ASXL3: variants seen among roughly 807,000 people sequenced by gnomAD.
ASXL3 encodes the protein putative Polycomb group protein ASXL3.
A neutral mutation model predicts 170.6 loss-of-function variants in ASXL3; 34 were observed. The ratio of observed to expected loss-of-function variants is 0.20; its 90% CI spans 0.15 to 0.27. The LOEUF (loss-of-function observed/expected upper bound fraction) is 0.27, where lower values mean the gene tolerates loss of function less well. Ranked by LOEUF, ASXL3 falls within the 10% of genes least tolerant of loss-of-function variation. ASXL3 has a pLI of 1.00. For synonymous variants in ASXL3, 1,002 were observed against 989.1 expected, an observed-to-expected ratio of 1.01 and a Z score of -0.24; for missense variants, 2,592 against 2,695.3, an observed-to-expected ratio of 0.96 and a Z score of 0.85.
intron 4 of ASXL3, among the ~76,000 whole-genome samples, chr18:33,647,906 A>G (rs2065938847): frequency 6.6e-6 from 1 of 152,034 alleles, no homozygotes; most frequent in Non-Finnish European, 1.5e-5. Flanking sequence ...AGACCTGAGG[A>G]GCATGAGAGA....
intron 5 of ASXL3, among the ~76,000 whole-genome samples, chr18:33,666,686 A>G (rs994239615): frequency 6.6e-6 from 1 of 152,194 alleles, no homozygotes; most frequent in Non-Finnish European, 1.5e-5. Flanking sequence ...TGCAGACAGT[A>G]TGATACCAGT....
intron 2 of ASXL3, among the ~76,000 whole-genome samples, chr18:33,617,526 A>G (rs2065445398): frequency 6.6e-6 from 1 of 152,160 alleles, no homozygotes. Context: ...GTATGTTCAC[A>G]TAACATAAAC....
intron 2 of ASXL3, among the ~76,000 whole-genome samples, chr18:33,635,177 A>G (rs962141704): frequency 9.2e-5 from 14 of 152,202 alleles, no homozygotes; most frequent in Admixed American, 9.2e-4. Flanking sequence ...CCAGAAATGG[A>G]TTAATAGAGC....
Position 33,739,753 on chromosome 18 carries a change from A to T in ASXL3, c.2349A>T (p.Lys783Asn), listed in dbSNP as rs371155056. 3.0e-5 allele frequency: 48 copies of T among 1,613,760 alleles called. No individual in the cohort carries two copies. The African/African-American group carries it at 5.6e-4, about 19-fold the overall frequency. Residue 783 changes from lysine to asparagine, a missense_variant, in exon 11 of 12, where the codon AAA (lysine) becomes AAT (asparagine). This residue lies in a region of ASXL3 where 2,246 missense variants were observed against 2,219.6 expected (regional missense o/e 1.01). Transcript: ENST00000269197. ...CTGAAGAGCCACTCTCCCCGCAGAA[A>T]GATGAGTCTTCCGCCACTGCCAAAC... ...SVSEEPLSPQKDESSATAKPL... is the reference protein window; with the variant it reads ...SVSEEPLSPQNDESSATAKPL...
intron 7 of ASXL3, among the ~76,000 whole-genome samples, chr18:33,680,895 T>C (rs570300234): frequency 5.9e-4 from 90 of 152,138 alleles, no homozygotes; most frequent in Middle Eastern, 6.8e-3. Flanking sequence ...TAAATGGATG[T>C]TGTTACTTTT....
intron 5 of ASXL3, among the ~76,000 whole-genome samples, chr18:33,663,358 C>G (rs1486866345): frequency 6.6e-6 from 1 of 152,092 alleles, no homozygotes; most frequent in African/African-American, 2.4e-5. Flanking sequence ...TGAAATCTTC[C>G]TGTATATGAA....
At chr18:33,663,609 A>C (rs750756926) in intron 5 of ASXL3, among the ~76,000 whole-genome samples, 1 of 152,140 alleles carries the variant, frequency 6.6e-6, no homozygotes, top group Non-Finnish European at 1.5e-5. Context: ...GTCCTGAAAG[A>C]GTTATTAATT....
intron 4 of ASXL3, 110 bp from the exon 5 acceptor site, chr18:33,661,506 T>C (rs2066172935): frequency 9.2e-7 from 1 of 1,081,894 alleles, no homozygotes; most frequent in Non-Finnish European, 1.3e-6. Context: ...GCTATTTTGC[T>C]TTATTTTAGG....
In ASXL3 at chr18:33,661,406, G is replaced by A. The variant is rs767003659; in HGVS notation, c.356-210G>A. Reference sequence around the variant, plus strand: ...TATCATCAATTTGCGGGTTAGGACAGGAAAGCTTAAAAAGGTTAAATGGAA... The same window carrying A: ...TATCATCAATTTGCGGGTTAGGACAAGAAAGCTTAAAAAGGTTAAATGGAA... On this transcript the variant is annotated intron_variant, in intron 4 of 11. Coordinates refer to ENST00000269197, the MANE Select transcript of ASXL3 (RefSeq NM_030632.3). Among the ~76,000 whole-genome samples, 6 of 152,142 alleles carry A rather than the reference G, an allele frequency of 3.9e-5. No individual in the cohort carries two copies. In the East Asian group the frequency reaches 7.8e-4, roughly 20 times the overall value.
chr18:33,702,307 T>C (rs1351247984), intron 8 of ASXL3, among the ~76,000 whole-genome samples: 1 of 152,204 alleles, frequency 6.6e-6, no homozygotes, highest in Non-Finnish European at 1.5e-5. Context: ...TCTTTTTTTT[T>C]GCAAGTGGAT....
In ASXL3 at chr18:33,739,670, T is replaced by G; in HGVS notation, c.2266T>G (p.Ser756Ala). ...LPLPSETSPI[S>A]NSSINERMAH... The stretch of plus-strand genomic sequence containing the variant: ...ACTTCCTTCAGAAACATCTCCAATT[T>G]CCAACTCTTCCATAAATGAGAGAAT... The change falls in exon 11 of 12, where the codon TCC becomes GCC. Residue 756 changes from serine (S) to alanine (A), a missense_variant. Transcript: ENST00000269197. The G allele has an allele frequency of 6.2e-7, 1 of 1,613,854 alleles. No individual in the cohort carries two copies.
chr18:33,750,471 G>A lies in ASXL3; in HGVS notation c.*3876G>A, dbSNP rs1302188445. On this transcript the variant is annotated 3_prime_UTR_variant, in exon 12 of 12. Transcript: ENST00000269197. The stretch of plus-strand genomic sequence containing the variant: ...TTTACTTGGTTGCCATAATTTTCTT[G>A]TACTGCTGTATTCCCCTCCTTCCCC... 2 of 150,552 alleles carry A rather than the reference G, an allele frequency of 1.3e-5. No individual in the cohort carries two copies. Among genetic ancestry groups the A allele is most frequent in the Non-Finnish European group, 2.9e-5 (2 of 67,808 alleles). 9.3% of individuals were successfully genotyped at this position (150,552 alleles called of 1,614,324 possible).
At chr18:33,730,610 T>C (rs1305265884) in intron 8 of ASXL3, among the ~76,000 whole-genome samples, 1 of 152,140 alleles carries the variant, frequency 6.6e-6, no homozygotes, top group Non-Finnish European at 1.5e-5. Context: ...AGGTGGGACA[T>C]TGGCATGGTG....
At position 33,682,231 on chromosome 18, in the gene ASXL3, G is replaced by A. The variant is rs146379199; in HGVS notation, c.716-1174G>A. ...AACAATTGGACATGATGGTGTTCTA[G>A]TAAAACTTTATTTGCTAAAGCAGGC... On this transcript the variant is annotated intron_variant, in intron 7 of 11. Coordinates refer to ENST00000269197, the MANE Select transcript of ASXL3 (RefSeq NM_030632.3). Among the ~76,000 whole-genome samples the A allele has an allele frequency of 3.3e-3, 499 of 152,272 alleles. 4 individuals are homozygous for A. The highest frequency in any genetic ancestry group is 0.011 in the African/African-American group (470 of 41,546).
At chr18:33,642,753 T>G (rs1007947726) in intron 2 of ASXL3, among the ~76,000 whole-genome samples, 3 of 151,932 alleles carry the variant, frequency 2.0e-5, no homozygotes, top group African/African-American at 7.2e-5. Context: ...TCACATATGT[T>G]TGCAGCAAGC....
At chr18:33,721,095 A>G (rs1455429641) in intron 8 of ASXL3, among the ~76,000 whole-genome samples, 4 of 152,076 alleles carry the variant, frequency 2.6e-5, no homozygotes, top group Non-Finnish European at 5.9e-5. Context: ...AGCAATTATA[A>G]TGAAACCTGT....
In ASXL3 at chr18:33,661,366, C is replaced by G. The variant is rs1051488035; in HGVS notation, c.356-250C>G. 6.6e-5 allele frequency among the ~76,000 whole-genome samples: 10 copies of G among 152,088 alleles called. No individual in the cohort carries two copies. The East Asian group carries it at 1.2e-3, about 18-fold the overall frequency. On this transcript the variant is annotated intron_variant, in intron 4 of 11. Transcript: ENST00000269197. ...TATTTTTTATGTCCATACAATAGCT[C>G]AATGACATAGAAATTATCATCAATT...
chr18:33,702,693 G>C (rs1349972099), intron 8 of ASXL3, among the ~76,000 whole-genome samples: 2 of 151,934 alleles, frequency 1.3e-5, no homozygotes, highest in African/African-American at 2.4e-5. Flanking sequence ...ATTTATGTTA[G>C]GTTTTCAGTG....
chr18:33,657,378 A>C (rs572967779), intron 4 of ASXL3, among the ~76,000 whole-genome samples: 1 of 152,180 alleles, frequency 6.6e-6, no homozygotes, highest in African/African-American at 2.4e-5. Context: ...CAAGAGAGAT[A>C]GATCAAGTTT....
Sources: allele counts gnomAD v4.1 joint callset (sites outside exome capture counted in the v4.1 genomes callset), GRCh38; gene constraint gnomAD v4.1.1; regional missense constraint gnomAD v4.1.1; transcripts MANE v1.5; gene names NCBI Gene and HGNC (gene_info 2026-07-23, HGNC 2026-07-21).